Variants in HGF observed in about 807,000 individuals in gnomAD.
The protein encoded by HGF is fibroblast-derived tumor cytotoxic factor.
Under a neutral mutation model 111.6 loss-of-function variants are expected in HGF, and 39 were observed. That is an observed-to-expected ratio of 0.35 (90% confidence interval 0.27 to 0.46). The LOEUF is 0.46. Ranked by LOEUF, HGF falls within the 20% of genes least tolerant of loss-of-function variation. The probability of loss-of-function intolerance (pLI) is 1.00; values close to 1 mark genes in which losing one functional copy is unlikely to be tolerated. For synonymous variants in HGF, 285 were observed against 294.8 expected (o/e 0.97, Z 0.34); for missense variants, 735 against 910.5 (o/e 0.81, Z 2.48).
intron 2 of HGF, among the ~76,000 whole-genome samples, chr7:81,762,236 G>T (rs1789122486): frequency 6.6e-6 from 1 of 152,108 alleles, no homozygotes; most frequent in African/African-American, 2.4e-5. Context: ...GCTGACACCA[G>T]TCTCTCTAAT....
intron 10 of HGF, 33 bp from the exon 11 acceptor site, chr7:81,717,398 A>G (rs1430991716): frequency 6.2e-7 from 1 of 1,601,560 alleles, no homozygotes; most frequent in Admixed American, 1.7e-5. Context: ...ACATCACAAG[A>G]TGCTCATTCC....
At chr7:81,734,720 A>G (rs1358085246) in intron 7 of HGF, among the ~76,000 whole-genome samples, 1 of 152,126 alleles carries the variant, frequency 6.6e-6, no homozygotes, top group African/African-American at 2.4e-5. Context: ...TCTGAATGGT[A>G]ACTGGAGAGG....
intron 11 of HGF, among the ~76,000 whole-genome samples, chr7:81,715,163 G>A (rs367896543): frequency 6.6e-6 from 1 of 152,054 alleles, no homozygotes; most frequent in Non-Finnish European, 1.5e-5. Context: ...AGATAGAGCT[G>A]CTGTGATTTT....
At chr7:81,732,089 C>T (rs1337016537) in intron 7 of HGF, among the ~76,000 whole-genome samples, 1 of 152,168 alleles carries the variant, frequency 6.6e-6, no homozygotes, top group East Asian at 1.9e-4. Flanking sequence ...TACTCTTATG[C>T]TGTGCACATA....
chr7:81,753,094 T>C (rs1011007031), intron 4 of HGF, among the ~76,000 whole-genome samples: 1 of 152,108 alleles, frequency 6.6e-6, no homozygotes, highest in Admixed American at 6.6e-5. Flanking sequence ...TTTTGGTTTA[T>C]AATAGTAAGC....
In HGF at chr7:81,703,986, T is replaced by C. The variant is rs182776093; in HGVS notation, c.2011-1229A>G. ...ACAAACTCCTCAAAGTAATTCACTCTGGAGACTTTCACTAAATATGATGTT... is the reference window on the plus strand; with the variant it reads ...ACAAACTCCTCAAAGTAATTCACTCCGGAGACTTTCACTAAATATGATGTT... On this transcript the variant is annotated intron_variant, in intron 17 of 17. Transcript: ENST00000222390. 2.6e-5 allele frequency among the ~76,000 whole-genome samples: 4 copies of C among 151,932 alleles called. No individual in the cohort carries two copies. The East Asian group carries it at 7.7e-4, about 29-fold the overall frequency.
Position 81,745,019 on chromosome 7 carries a change from G to T in HGF, c.727C>A (p.His243Asn). 1 of 1,613,994 alleles carries T rather than the reference G, an allele frequency of 6.2e-7. No individual in the cohort carries two copies. Among genetic ancestry groups the T allele is most frequent in the Non-Finnish European group, 8.5e-7 (1 of 1,179,970 alleles). The change falls in exon 6 of 18, where the codon CAC becomes AAC. Residue 243 changes from histidine (H) to asparagine (N), a missense_variant. Coordinates refer to ENST00000222390, the MANE Select transcript of HGF (RefSeq NM_000601.6). Reference protein sequence around the residue: ...QRWDHQTPHRHKFLPERYPDK... With the variant: ...QRWDHQTPHRNKFLPERYPDK... ...TTTTACCTTTCAGGCAAGAATTTGT[G>T]CCGGTGTGGTGTCTGATGATCCCAG...
intron 8 of HGF, among the ~76,000 whole-genome samples, chr7:81,727,611 T>C (rs1790053143): frequency 1.3e-5 from 2 of 152,132 alleles, no homozygotes; most frequent in South Asian, 2.1e-4. Context: ...ATAAAATATG[T>C]GTGTTAAATT....
chr7:81,740,618 A>G (rs188179691), intron 7 of HGF, among the ~76,000 whole-genome samples: 43 of 152,364 alleles, frequency 2.8e-4, no homozygotes, highest in Middle Eastern at 6.8e-3. Flanking sequence ...TCTTTAAAAG[A>G]GAGTCTGGAG....
chr7:81,738,821 C>G (rs1787916853), intron 7 of HGF, among the ~76,000 whole-genome samples: 1 of 151,968 alleles, frequency 6.6e-6, no homozygotes, highest in Admixed American at 6.6e-5. Context: ...CTTCTGTATC[C>G]CCAGCTACTA....
chr7:81,746,796 T>C (rs1411233030), intron 5 of HGF, among the ~76,000 whole-genome samples: 1 of 152,098 alleles, frequency 6.6e-6, no homozygotes, highest in Admixed American at 6.5e-5. Flanking sequence ...TTAATGGTTT[T>C]AAGAAAAAAT....
At chr7:81,725,853 T>C in intron 9 of HGF, 37 bp downstream of exon 9, 1 of 1,612,568 alleles carries the variant, frequency 6.2e-7, no homozygotes, top group Non-Finnish European at 8.5e-7. Context: ...TTCCCCTGAA[T>C]TTAATCATGC....
intron 4 of HGF, chr7:81,755,819 A>T: frequency 1.8e-6 from 1 of 548,068 alleles, no homozygotes; most frequent in Non-Finnish European, 3.2e-6. Context: ...TAAGTAACTA[A>T]TTTTGAAAAT....
intron 17 of HGF, among the ~76,000 whole-genome samples, chr7:81,704,962 C>G (rs5745756): frequency 2.0e-5 from 3 of 151,744 alleles, no homozygotes; most frequent in African/African-American, 7.2e-5. Flanking sequence ...GAGGGAACAG[C>G]TTACCCAAAA....
At chr7:81,747,116 A>G (rs1313004805) in intron 5 of HGF, among the ~76,000 whole-genome samples, 3 of 152,198 alleles carry the variant, frequency 2.0e-5, no homozygotes, top group Non-Finnish European at 4.4e-5. Flanking sequence ...AGATGGGCGG[A>G]TCACGAGGTC....
At chr7:81,753,878 C>T (rs1788622040) in intron 4 of HGF, among the ~76,000 whole-genome samples, 1 of 151,874 alleles carries the variant, frequency 6.6e-6, no homozygotes, top group Non-Finnish European at 1.5e-5. Context: ...TTTCACAATT[C>T]CTAACAGTAA....
chr7:81,744,038 TG>T (rs754676157), intron 6 of HGF, among the ~76,000 whole-genome samples: 5 of 152,174 alleles, frequency 3.3e-5, no homozygotes, highest in Non-Finnish European at 7.4e-5. Context: ...ATATCCCTTC[TG>T]CTCTCACTTA....
chr7:81,709,874 A>T (rs1456200831), intron 13 of HGF, among the ~76,000 whole-genome samples: 9 of 152,206 alleles, frequency 5.9e-5, no homozygotes, highest in Admixed American at 5.9e-4. Flanking sequence ...TATTTTGCTT[A>T]ATCGGAACCA....
rs1482818197 is a variant in HGF, at chr7:81,729,782, A to G, written c.866-3T>C. The G allele has an allele frequency of 1.9e-6, 3 of 1,567,714 alleles. No individual in the cohort carries two copies. The highest frequency in any genetic ancestry group is 1.9e-5 in the Admixed American group (1 of 53,496). On this transcript the variant is annotated splice_polypyrimidine_tract_variant and splice_region_variant and intron_variant, in intron 7 of 17. Coordinates refer to ENST00000222390, the MANE Select transcript of HGF (RefSeq NM_000601.6). ...AGTGTCATTCATAGTATTGTCAGCT[A>G]TTGGCAAAAAACAACAACAAAAAAA...
Sources: allele counts gnomAD v4.1 joint callset (sites outside exome capture counted in the v4.1 genomes callset), GRCh38; gene constraint gnomAD v4.1.1; transcripts MANE v1.5; gene names NCBI Gene and HGNC (gene_info 2026-07-23, HGNC 2026-07-21).